PUS10: variants seen among roughly 807,000 people sequenced by gnomAD.
PUS10 encodes pseudouridine synthase 10.
PUS10 carries 59 observed loss-of-function variants against 75.0 expected under a neutral mutation model. The ratio of observed to expected loss-of-function variants is 0.79; its 90% CI spans 0.64 to 0.98. The LOEUF is 0.98. Ranked by LOEUF, PUS10 falls within the 50% of genes least tolerant of loss-of-function variation. The pLI is 0.00. For synonymous variants in PUS10, 219 were observed against 211.6 expected, an observed-to-expected ratio of 1.03 and a Z score of -0.30; for missense variants, 650 against 614.4, an observed-to-expected ratio of 1.06 and a Z score of -0.61.
intron 4 of PUS10, among the ~76,000 whole-genome samples, chr2:61,003,186 G>T (rs964950680): frequency 1.6e-4 from 24 of 152,152 alleles, no homozygotes; most frequent in Admixed American, 7.2e-4. Context: ...TTGGGGCCGG[G>T]AGCGGTGGCT....
intron 4 of PUS10, among the ~76,000 whole-genome samples, chr2:61,003,183 C>A (rs1011670148): frequency 4.6e-5 from 7 of 152,010 alleles, no homozygotes; most frequent in Admixed American, 2.0e-4. Context: ...CTATTGGGGC[C>A]GGGAGCGGTG....
At chr2:61,017,768 C>A (rs745465894) in intron 1 of PUS10, 2 of 1,549,460 alleles carry the variant, frequency 1.3e-6, no homozygotes, top group East Asian at 2.4e-5. Context: ...AGATGGCGTC[C>A]CAGCCGCCAC....
intron 4 of PUS10, among the ~76,000 whole-genome samples, chr2:60,992,114 C>T (rs148427226): frequency 0.011 from 1,610 of 151,508 alleles, 7 homozygotes; most frequent in Non-Finnish European, 0.017. Context: ...TGGGTTCAAG[C>T]GATTCTCCTG....
In PUS10 at chr2:60,945,025, A is replaced by G. The variant is rs2104096463; in HGVS notation, c.1535T>C (p.Leu512Pro). The change falls in exon 17 of 18, where the codon CTG becomes CCG. Residue 512 changes from leucine (L) to proline (P), a missense_variant. Physicochemically the swap from Leu to Pro is moderately conservative, Grantham distance 98. Transcript: ENST00000316752. ...GSLMNVTADI[L>P]ELDVESVDVD... is the part of the protein sequence containing the mutation. ...ATGGTTTACCTCAACATCCAGCTCCAGAATGTCTGCAGTCACATTCATCAG... is the reference window on the plus strand; with the variant it reads ...ATGGTTTACCTCAACATCCAGCTCCGGAATGTCTGCAGTCACATTCATCAG... 6.2e-7 allele frequency: 1 copy of G among 1,613,098 alleles called. No individual in the cohort carries two copies.
In PUS10 at chr2:60,960,419, G is replaced by T; in HGVS notation, c.973C>A (p.His325Asn). ...TCTGCTTTAAATACTGCCAACAGATGATCTGAAATTAATTCTTCCACTGAA... is the reference window on the plus strand; with the variant it reads ...TCTGCTTTAAATACTGCCAACAGATTATCTGAAATTAATTCTTCCACTGAA... ...ESSVEELISD[H>N]LLAVFKAESF... Residue 325 changes from histidine to asparagine, a missense_variant, in exon 11 of 18, where the codon CAT becomes AAT. Coordinates refer to ENST00000316752, the MANE Select transcript of PUS10 (RefSeq NM_144709.4). 2 of 1,569,912 alleles carry T rather than the reference G, an allele frequency of 1.3e-6. No individual in the cohort carries two copies. Among genetic ancestry groups the T allele is most frequent in the Non-Finnish European group, 1.7e-6 (2 of 1,164,202 alleles).
At chr2:60,945,216 T>G in intron 16 of PUS10, 108 bp from the exon 17 acceptor site, 1 of 728,294 alleles carries the variant, frequency 1.4e-6, no homozygotes, top group Non-Finnish European at 2.4e-6. Flanking sequence ...AAAAGAAAGG[T>G]TACTTCTGAG....
intron 4 of PUS10, among the ~76,000 whole-genome samples, chr2:60,973,407 T>G (rs1283802665): frequency 6.6e-6 from 1 of 152,212 alleles, no homozygotes; most frequent in Non-Finnish European, 1.5e-5. Context: ...TCCCGCTCCC[T>G]GACCTCTCCC....
intron 4 of PUS10, among the ~76,000 whole-genome samples, chr2:60,985,433 T>A (rs1316831013): frequency 6.6e-6 from 1 of 152,184 alleles, no homozygotes; most frequent in African/African-American, 2.4e-5. Flanking sequence ...TTTTTACTTT[T>A]GAAAAATTTA....
At chr2:61,004,896 A>C (rs1467785576) in intron 4 of PUS10, among the ~76,000 whole-genome samples, 1 of 152,224 alleles carries the variant, frequency 6.6e-6, no homozygotes, top group Non-Finnish European at 1.5e-5. Context: ...TTTCTGCTAA[A>C]TAGTTTTCTG....
intron 1 of PUS10, among the ~76,000 whole-genome samples, chr2:61,012,241 AT>A (rs1679650999): frequency 6.6e-6 from 1 of 152,130 alleles, no homozygotes; most frequent in Admixed American, 6.5e-5. Context: ...ACAGGGTGAA[AT>A]TTTGCTTTTT....
intron 1 of PUS10, among the ~76,000 whole-genome samples, chr2:61,016,087 A>G (rs1264381840): frequency 7.2e-5 from 11 of 152,242 alleles, no homozygotes; most frequent in Admixed American, 7.2e-4. Context: ...TTCCATGGCT[A>G]GAAGACAATG....
At chr2:60,944,616 C>G (rs1205388573) in intron 17 of PUS10, among the ~76,000 whole-genome samples, 1 of 152,142 alleles carries the variant, frequency 6.6e-6, no homozygotes, top group Non-Finnish European at 1.5e-5. Flanking sequence ...CACAGGGGTC[C>G]TTATAGAACT....
chr2:60,949,515 C>T (rs1272057069), intron 15 of PUS10, among the ~76,000 whole-genome samples: 1 of 151,996 alleles, frequency 6.6e-6, no homozygotes, highest in East Asian at 1.9e-4. Context: ...CCGCTGCTCC[C>T]ATACTGCTGA....
At chr2:60,974,069 A>T (rs1676869743) in intron 4 of PUS10, among the ~76,000 whole-genome samples, 1 of 151,776 alleles carries the variant, frequency 6.6e-6, no homozygotes, top group Admixed American at 6.6e-5. Context: ...AGAGCTGAAG[A>T]ATGACAGGAC....
intron 4 of PUS10, among the ~76,000 whole-genome samples, chr2:60,984,957 G>A (rs1677625312): frequency 6.6e-6 from 1 of 152,192 alleles, no homozygotes. Flanking sequence ...AAGAGAAAGA[G>A]AGAGACTAAT....
At chr2:60,977,803 C>T (rs989850973) in intron 4 of PUS10, among the ~76,000 whole-genome samples, 6 of 152,056 alleles carry the variant, frequency 3.9e-5, no homozygotes, top group Non-Finnish European at 7.3e-5. Flanking sequence ...TATGTGATCA[C>T]TAGCAAGGTG....
intron 1 of PUS10, among the ~76,000 whole-genome samples, chr2:61,014,717 G>A (rs949891146): frequency 2.0e-5 from 3 of 152,150 alleles, no homozygotes; most frequent in African/African-American, 4.8e-5. Flanking sequence ...AAAGATGAAC[G>A]ACAGTGGCAT....
chr2:60,951,069 C>T (rs1675307253), intron 15 of PUS10, among the ~76,000 whole-genome samples: 1 of 152,156 alleles, frequency 6.6e-6, no homozygotes, highest in Non-Finnish European at 1.5e-5. Flanking sequence ...GGCCACTGTT[C>T]TTTTTGCAGC....
At chr2:61,005,821 G>A (rs1679173005) in intron 4 of PUS10, among the ~76,000 whole-genome samples, 2 of 152,238 alleles carry the variant, frequency 1.3e-5, no homozygotes, top group South Asian at 4.1e-4. Context: ...CTTATTTGGA[G>A]CTAATAAACA....
Sources: gnomAD v4.1 joint callset for allele counts (sites outside exome capture counted in the v4.1 genomes callset) on GRCh38, gnomAD v4.1.1 for gene constraint, MANE v1.5 for transcripts, NCBI Gene and HGNC (gene_info 2026-07-23, HGNC 2026-07-21) for gene names.